SPATS2: variants seen among roughly 807,000 people sequenced by gnomAD.
The protein encoded by SPATS2 is spermatogenesis-associated serine-rich protein 2.
SPATS2 carries 38 observed loss-of-function variants against 63.7 expected under a neutral mutation model. The observed-to-expected ratio is 0.60, with a 90% confidence interval of 0.46 to 0.78. The LOEUF (loss-of-function observed/expected upper bound fraction) is 0.78. Ranked by LOEUF, SPATS2 falls within the 30% of genes least tolerant of loss-of-function variation. SPATS2 has a pLI of 0.00. For missense variants in SPATS2, 588 were observed against 666.2 expected (o/e 0.88, Z 1.29); for synonymous variants, 207 against 232.9 (o/e 0.89, Z 1.01).
chr12:49,466,695 G>T (rs1945922572), intron 3 of SPATS2, among the ~76,000 whole-genome samples: 1 of 152,090 alleles, frequency 6.6e-6, no homozygotes, highest in Non-Finnish European at 1.5e-5. Context: ...GATTAGTATG[G>T]CTTTATAGTA....
chr12:49,421,284 G>A (rs2137420023), intron 2 of SPATS2, among the ~76,000 whole-genome samples: 1 of 152,018 alleles, frequency 6.6e-6, no homozygotes, highest in Non-Finnish European at 1.5e-5. Context: ...TGGGCATGGT[G>A]GCGTGCGCCT....
chr12:49,436,848 T>G (rs1219952806), intron 2 of SPATS2, among the ~76,000 whole-genome samples: 34 of 97,292 alleles, frequency 3.5e-4, no homozygotes, highest in East Asian at 2.7e-3. Flanking sequence ...GGGGCGGCTG[T>G]CCGGGCGGGG....
intron 2 of SPATS2, among the ~76,000 whole-genome samples, chr12:49,437,084 C>G (rs576845093): frequency 6.6e-6 from 1 of 151,794 alleles, no homozygotes; most frequent in African/African-American, 2.4e-5. Context: ...GAGTGGCTGC[C>G]GGGCGGAGGG....
At chr12:49,375,760 C>T (rs943579384) in intron 2 of SPATS2, among the ~76,000 whole-genome samples, 1 of 152,164 alleles carries the variant, frequency 6.6e-6, no homozygotes, top group African/African-American at 2.4e-5. Flanking sequence ...TGTATTGTAG[C>T]TGAATGGTAG....
intron 9 of SPATS2, among the ~76,000 whole-genome samples, chr12:49,506,290 C>T (rs572258353): frequency 3.3e-5 from 5 of 151,192 alleles, no homozygotes; most frequent in African/African-American, 1.2e-4. Flanking sequence ...CTAATAAAGA[C>T]ATACTCAAGA....
At position 49,527,226 on chromosome 12, in the gene SPATS2, C is replaced by CA. The variant is rs759705224; in HGVS notation, c.*987dup. The stretch of plus-strand genomic sequence containing the variant: ...TGGGAGACAGAGCAAGACTCAGTCT[C>CA]AAAAAAAAAAAAAAAAGCATTTTTC... On this transcript the variant is annotated 3_prime_UTR_variant, in exon 14 of 14. Coordinates refer to ENST00000552918, the MANE Select transcript of SPATS2 (RefSeq NM_023071.4). 7,103 of 64,722 alleles carry CA rather than the reference C, an allele frequency of 0.11. 333 individuals carry two copies. Among genetic ancestry groups the CA allele is most frequent in the African/African-American group, 0.23 (4,497 of 19,408 alleles). 4.0% of individuals were successfully genotyped at this position (64,722 alleles called of 1,614,324 possible). A position where few individuals can be genotyped will look rare whatever the true frequency, so the allele number is the denominator to read the frequency against.
intron 3 of SPATS2, chr12:49,469,557 A>AAAAAAAAG (rs1555187851): frequency 4.6e-6 from 2 of 430,320 alleles, no homozygotes; most frequent in African/African-American, 4.3e-5. Context: ...AAAAAAAAAA[A>AAAAAAAAG]AAAAAAAGAA....
chr12:49,515,929 C>T (rs1309872855), intron 10 of SPATS2, among the ~76,000 whole-genome samples: 2 of 151,460 alleles, frequency 1.3e-5, no homozygotes, highest in East Asian at 1.9e-4. Context: ...ATCACGAGGT[C>T]AGGAGATCGA....
At chr12:49,487,123 T>C (rs1480960559) in intron 4 of SPATS2, among the ~76,000 whole-genome samples, 1 of 152,154 alleles carries the variant, frequency 6.6e-6, no homozygotes, top group East Asian at 1.9e-4. Flanking sequence ...TTGAATAAAA[T>C]TTAAGATTTG....
chr12:49,401,726 C>G lies in SPATS2; in HGVS notation c.-244+30436C>G, dbSNP rs1184542957. On this transcript the variant is annotated intron_variant, in intron 2 of 13. Coordinates refer to ENST00000552918, the MANE Select transcript of SPATS2 (RefSeq NM_023071.4). ...ATTTAATTTATTTTTGAGACAGGGT[C>G]TCACTCTGTCGCCCCGACTGGAGTG... 2.0e-5 allele frequency among the ~76,000 whole-genome samples: 3 copies of G among 152,104 alleles called. No homozygotes were observed. The East Asian group carries it at 5.8e-4, about 29-fold the overall frequency.
At chr12:49,433,051 A>G (rs192917919) in intron 2 of SPATS2, among the ~76,000 whole-genome samples, 22 of 152,192 alleles carry the variant, frequency 1.4e-4, no homozygotes, top group African/African-American at 3.4e-4. Flanking sequence ...AAGGGTTCCA[A>G]TTTTTCCACA....
chr12:49,466,934 CTA>C (rs1269279113), intron 3 of SPATS2, among the ~76,000 whole-genome samples: 4 of 151,362 alleles, frequency 2.6e-5, no homozygotes, highest in Non-Finnish European at 5.9e-5. Context: ...GAACTTACTA[CTA>C]TATCTCTGCA....
chr12:49,380,081 A>T (rs185264472), intron 2 of SPATS2, among the ~76,000 whole-genome samples: 1 of 151,920 alleles, frequency 6.6e-6, no homozygotes, highest in African/African-American at 2.4e-5. Context: ...CACACAATAT[A>T]TGACCTTTTG....
At chr12:49,379,623 A>ATTT (rs529791925) in intron 2 of SPATS2, among the ~76,000 whole-genome samples, 3 of 129,524 alleles carry the variant, frequency 2.3e-5, no homozygotes, top group Admixed American at 7.8e-5. Context: ...ATCTAGTTCA[A>ATTT]TTTTTTTTTT....
chr12:49,375,095 A>G (rs1711915392), intron 2 of SPATS2, among the ~76,000 whole-genome samples: 1 of 148,948 alleles, frequency 6.7e-6, no homozygotes, highest in African/African-American at 2.5e-5. Flanking sequence ...AAGAAGGATG[A>G]TTTTTACATT....
chr12:49,378,166 T>A (rs1273581693), intron 2 of SPATS2, among the ~76,000 whole-genome samples: 1 of 152,078 alleles, frequency 6.6e-6, no homozygotes, highest in African/African-American at 2.4e-5. Flanking sequence ...AGAGATGGGG[T>A]TTCACCATGT....
intron 9 of SPATS2, among the ~76,000 whole-genome samples, chr12:49,505,837 A>T (rs932627803): frequency 1.3e-5 from 2 of 152,198 alleles, no homozygotes; most frequent in African/African-American, 4.8e-5. Flanking sequence ...TTCATCTCAT[A>T]CCTCATTGAT....
intron 2 of SPATS2, among the ~76,000 whole-genome samples, chr12:49,433,921 T>G (rs1246056263): frequency 6.6e-6 from 1 of 152,228 alleles, no homozygotes; most frequent in Non-Finnish European, 1.5e-5. Flanking sequence ...GGTCTTACAT[T>G]TGGTTCCTTA....
At chr12:49,367,339 G>A (rs1943915412), upstream of SPATS2, 1 of 389,128 alleles carries the variant, frequency 2.6e-6, no homozygotes, top group East Asian at 3.7e-5. Context: ...GCCTGGGCGA[G>A]GGTCGGGGTG....
Sources: allele counts gnomAD v4.1 joint callset (sites outside exome capture counted in the v4.1 genomes callset), GRCh38; gene constraint gnomAD v4.1.1; transcripts MANE v1.5; gene names NCBI Gene and HGNC (gene_info 2026-07-23, HGNC 2026-07-21).